Variants in ADGRB3 observed in about 807,000 individuals in gnomAD.
ADGRB3 encodes the protein adhesion G protein-coupled receptor B3, also known as brain-specific angiogenesis inhibitor 3.
ADGRB3 carries 37 observed loss-of-function variants against 193.4 expected under a neutral mutation model. That is an observed-to-expected ratio of 0.19 (90% CI 0.15 to 0.25). The LOEUF is 0.25. Among genes scored for constraint, ADGRB3 ranks in the 10% least tolerant of loss-of-function variants. The pLI is 1.00. For synonymous variants in ADGRB3, 690 were observed against 644.2 expected (o/e 1.07, Z -1.08); for missense variants, 1,637 against 1,852.9 (o/e 0.88, Z 2.14).
In ADGRB3 at chr6:68,685,496, TA is replaced by T. The variant is rs575989205; in HGVS notation, c.757+46067del. The stretch of plus-strand genomic sequence containing the variant: ...AATGGGGAAGGAAAGAACCAAAAAT[TA>T]AAGTTCTTTAATATAAGGCAAATTC... On this transcript the variant is annotated intron_variant, in intron 3 of 31. Coordinates refer to ENST00000370598, the MANE Select transcript of ADGRB3 (RefSeq NM_001704.3). Among the ~76,000 whole-genome samples, 660 of 151,972 alleles carry T rather than the reference TA, an allele frequency of 4.3e-3. 3 individuals are homozygous for T. The highest frequency in any genetic ancestry group is 0.015 in the African/African-American group (601 of 41,446).
chr6:69,002,222 C>CTT (rs11284011), intron 11 of ADGRB3, among the ~76,000 whole-genome samples: 3 of 138,502 alleles, frequency 2.2e-5, no homozygotes, highest in African/African-American at 2.7e-5. Context: ...CATCTTTTAT[C>CTT]TTTTTTTTTT....
At chr6:69,167,499 T>C (rs1775159669) in intron 17 of ADGRB3, among the ~76,000 whole-genome samples, 1 of 152,112 alleles carries the variant, frequency 6.6e-6, no homozygotes, top group African/African-American at 2.4e-5. Flanking sequence ...GTAGTCTCAA[T>C]TGATTTAGAA....
At chr6:68,882,988 G>A (rs1006855192) in intron 3 of ADGRB3, among the ~76,000 whole-genome samples, 2 of 152,110 alleles carry the variant, frequency 1.3e-5, no homozygotes, top group Admixed American at 1.3e-4. Flanking sequence ...CTGCTTCCTG[G>A]GTTCACGCCA....
At chr6:68,888,703 A>T (rs1765984332) in intron 3 of ADGRB3, among the ~76,000 whole-genome samples, 1 of 152,142 alleles carries the variant, frequency 6.6e-6, no homozygotes, top group Non-Finnish European at 1.5e-5. Context: ...GGAGATAGGG[A>T]AATGGAGGCT....
chr6:68,845,962 C>T (rs1007884792), intron 3 of ADGRB3, among the ~76,000 whole-genome samples: 1 of 152,244 alleles, frequency 6.6e-6, no homozygotes, highest in Middle Eastern at 3.4e-3. Flanking sequence ...AAGTTTAGAA[C>T]TTCCTAGAGA....
At chr6:68,640,092 G>T (rs1043895738) in intron 3 of ADGRB3, among the ~76,000 whole-genome samples, 1 of 152,168 alleles carries the variant, frequency 6.6e-6, no homozygotes, top group African/African-American at 2.4e-5. Context: ...CACTAGAAGC[G>T]CAAACTCTCC....
chr6:68,664,191 A>G (rs1171699938), intron 3 of ADGRB3, among the ~76,000 whole-genome samples: 13 of 151,816 alleles, frequency 8.6e-5, no homozygotes, highest in Admixed American at 8.6e-4. Flanking sequence ...TGGTAACATC[A>G]TTACTGAAAG....
At chr6:69,333,171 T>C (rs1768763605) in intron 24 of ADGRB3, among the ~76,000 whole-genome samples, 163 bp downstream of exon 24, 1 of 152,212 alleles carries the variant, frequency 6.6e-6, no homozygotes, top group South Asian at 2.1e-4. Flanking sequence ...GTGCTATTTT[T>C]AAGCAATACG....
intron 3 of ADGRB3, among the ~76,000 whole-genome samples, chr6:68,873,048 C>T (rs746517863): frequency 3.9e-5 from 6 of 152,186 alleles, no homozygotes; most frequent in Non-Finnish European, 7.4e-5. Context: ...CCAAGTTCCA[C>T]AAACCCAAAA....
intron 3 of ADGRB3, among the ~76,000 whole-genome samples, chr6:68,689,057 C>T (rs559502700): frequency 3.3e-5 from 5 of 151,986 alleles, no homozygotes; most frequent in East Asian, 3.9e-4. Context: ...TCTGACCATA[C>T]GTCTGTAAAT....
At position 69,153,916 on chromosome 6, in the gene ADGRB3, C is replaced by A. The variant is rs1357514833; in HGVS notation, c.2480+77878C>A. On this transcript the variant is annotated intron_variant, in intron 17 of 31. Transcript: ENST00000370598. ...GCTGAGGCAGGAGAATGGTGTGAAC[C>A]CGGGAGGCAGAGCCTGCAGTGAGCC... is the stretch of plus-strand genomic sequence containing the variant. Among the ~76,000 whole-genome samples the A allele has an allele frequency of 3.3e-5, 5 of 151,960 alleles. No homozygotes were observed. The South Asian group carries it at 1.0e-3, about 32-fold the overall frequency.
At chr6:69,349,335 C>A (rs1769174090) in intron 26 of ADGRB3, among the ~76,000 whole-genome samples, 1 of 152,104 alleles carries the variant, frequency 6.6e-6, no homozygotes, top group Non-Finnish European at 1.5e-5. Context: ...AGAGGTATAA[C>A]AATTTTAGAG....
chr6:69,033,503 A>G (rs749227491), intron 13 of ADGRB3, among the ~76,000 whole-genome samples: 1 of 152,208 alleles, frequency 6.6e-6, no homozygotes, highest in Non-Finnish European at 1.5e-5. Context: ...AGTCTTTTGA[A>G]TAGTCAAAAA....
intron 3 of ADGRB3, among the ~76,000 whole-genome samples, chr6:68,867,912 G>C (rs923734162): frequency 6.6e-6 from 1 of 152,168 alleles, no homozygotes; most frequent in African/African-American, 2.4e-5. Context: ...CTGTTTCTTG[G>C]AAGTAACTAA....
intron 3 of ADGRB3, among the ~76,000 whole-genome samples, chr6:68,800,746 T>G (rs992349340): frequency 4.6e-5 from 7 of 152,182 alleles, no homozygotes; most frequent in Non-Finnish European, 7.4e-5. Flanking sequence ...TGCCTCTGAA[T>G]GAACTAGTTC....
At chr6:69,106,487 C>G (rs1156440181) in intron 17 of ADGRB3, among the ~76,000 whole-genome samples, 1 of 152,154 alleles carries the variant, frequency 6.6e-6, no homozygotes, top group African/African-American at 2.4e-5. Context: ...GTGTACCCTC[C>G]TCCCTTCCAT....
chr6:68,694,434 G>A (rs1384003099), intron 3 of ADGRB3, among the ~76,000 whole-genome samples: 3 of 151,856 alleles, frequency 2.0e-5, no homozygotes, highest in African/African-American at 7.3e-5. Context: ...GAGATTTATC[G>A]AAGTTTGAGA....
intron 11 of ADGRB3, among the ~76,000 whole-genome samples, chr6:69,007,010 C>G (rs1275734162): frequency 6.6e-6 from 1 of 152,068 alleles, no homozygotes; most frequent in East Asian, 1.9e-4. Flanking sequence ...GTTAAACCTG[C>G]CCACTGGGTC....
At chr6:68,672,831 A>G (rs1280140663) in intron 3 of ADGRB3, among the ~76,000 whole-genome samples, 4 of 152,130 alleles carry the variant, frequency 2.6e-5, no homozygotes, top group Non-Finnish European at 5.9e-5. Flanking sequence ...ATGGGTAGGC[A>G]TCATCCAGTC....
Sources: gnomAD v4.1 joint callset for allele counts (sites outside exome capture counted in the v4.1 genomes callset) on GRCh38, gnomAD v4.1.1 for gene constraint, MANE v1.5 for transcripts, NCBI Gene and HGNC (gene_info 2026-07-23, HGNC 2026-07-21) for gene names.